The following ANO1 variants were observed in gnomAD, a reference collection of about 807,000 sequenced individuals.
ANO1 encodes anoctamin-1.
In ANO1, 59 loss-of-function variants were observed where a neutral mutation model predicts 124.0. The ratio of observed to expected loss-of-function variants is 0.48; its 90% CI spans 0.39 to 0.59. The LOEUF is 0.59. Among genes scored for constraint, ANO1 ranks in the 20% least tolerant of loss-of-function variants. The probability of loss-of-function intolerance (pLI) is 0.00; values close to 1 mark genes in which losing one functional copy is unlikely to be tolerated. For missense variants in ANO1, 1,059 were observed against 1,328.0 expected (o/e 0.80, Z 3.15); for synonymous variants, 529 against 532.0 (o/e 0.99, Z 0.08).
At chr11:69,994,996 C>T (rs1554998131) in intron 1 of ANO1, among the ~76,000 whole-genome samples, 2 of 152,074 alleles carry the variant, frequency 1.3e-5, no homozygotes, top group Non-Finnish European at 2.9e-5. Flanking sequence ...AAAGATAGTA[C>T]AGAAAATTCC....
intron 1 of ANO1, chr11:70,014,842 C>A (rs12786842): frequency 1.9e-4 from 21 of 112,328 alleles, no homozygotes; most frequent in Non-Finnish European, 1.9e-5. Context: ...TTTTTTTTTT[C>A]TTTTTTTTTT....
At chr11:70,119,121 T>C (rs1388404578) in intron 8 of ANO1, among the ~76,000 whole-genome samples, 2 of 141,668 alleles carry the variant, frequency 1.4e-5, no homozygotes, top group Non-Finnish European at 3.0e-5. Flanking sequence ...GGATGGATGA[T>C]GGGTGAGTGG....
upstream of ANO1, among the ~76,000 whole-genome samples, chr11:69,982,623 T>C (rs1855968912): frequency 6.6e-6 from 1 of 152,210 alleles, no homozygotes. Flanking sequence ...CAAGACCCAT[T>C]TTACAGATGC....
intron 22 of ANO1, among the ~76,000 whole-genome samples, chr11:70,176,486 A>G (rs2048704877): frequency 6.6e-6 from 1 of 152,170 alleles, no homozygotes; most frequent in Admixed American, 6.5e-5. Context: ...TTGAGTTATT[A>G]TCAATAGAAA....
At chr11:70,001,594 G>A (rs72935864) in intron 1 of ANO1, among the ~76,000 whole-genome samples, 5,266 of 152,230 alleles carry the variant, frequency 0.035, 129 homozygotes, top group Non-Finnish European at 0.051. Context: ...ACATGATCCC[G>A]TTTCTATCGC....
chr11:69,967,350 G>C, the ANO1 span, among the ~76,000 whole-genome samples: 1 of 152,254 alleles, frequency 6.6e-6, no homozygotes, highest in East Asian at 1.9e-4. Context: ...TCGCACGTTA[G>C]CTAGCATCAG....
chr11:69,977,167 T>A, the ANO1 span, among the ~76,000 whole-genome samples: 2 of 152,080 alleles, frequency 1.3e-5, no homozygotes, highest in African/African-American at 4.8e-5. Context: ...GGGGGACAGG[T>A]GTAGCCCCCC....
intron 2 of ANO1, among the ~76,000 whole-genome samples, chr11:70,095,245 A>G (rs2044801675): frequency 7.9e-6 from 1 of 127,056 alleles, no homozygotes; most frequent in African/African-American, 3.1e-5. Flanking sequence ...AAGAAAGAAA[A>G]AGAAAGGAAG....
chr11:70,030,512 C>T (rs1210127056), intron 1 of ANO1, among the ~76,000 whole-genome samples: 3 of 152,030 alleles, frequency 2.0e-5, no homozygotes, highest in African/African-American at 4.8e-5. Flanking sequence ...CCAAGTCATC[C>T]GCAGGACTGG....
At chr11:69,978,285 G>A in the ANO1 span, among the ~76,000 whole-genome samples, 1 of 152,174 alleles carries the variant, frequency 6.6e-6, no homozygotes, top group Admixed American at 6.5e-5. Flanking sequence ...CCTCCGAGAG[G>A]GCCCAGCCCT....
At position 70,083,438 on chromosome 11, in the gene ANO1, T is replaced by C. The variant is rs560208948; in HGVS notation, c.109-4314T>C. 2.0e-5 allele frequency among the ~76,000 whole-genome samples: 3 copies of C among 152,000 alleles called. No homozygotes were observed. The South Asian group carries it at 6.2e-4, about 32-fold the overall frequency. ...CACTCTTGATCAGGCCCCAGTGCTG[T>C]CTCTCCCTCCACCATGCATGGGAAG... On this transcript the variant is annotated intron_variant, in intron 1 of 25. Coordinates refer to ENST00000355303, the MANE Select transcript of ANO1 (RefSeq NM_018043.7).
At chr11:70,145,962 A>AAAAAAG (rs2047362160) in intron 11 of ANO1, among the ~76,000 whole-genome samples, 2 of 131,994 alleles carry the variant, frequency 1.5e-5, no homozygotes, top group African/African-American at 2.7e-5. Flanking sequence ...AAAAAAAAAA[A>AAAAAAG]AAAGAAAGAA....
At chr11:70,022,119 C>T (rs750955725) in intron 1 of ANO1, among the ~76,000 whole-genome samples, 2 of 152,120 alleles carry the variant, frequency 1.3e-5, no homozygotes, top group Non-Finnish European at 1.5e-5. Context: ...AAATGCTTTC[C>T]GAGACAGGCC....
chr11:69,985,129 A>G (rs1856011660), upstream of ANO1, among the ~76,000 whole-genome samples: 1 of 152,128 alleles, frequency 6.6e-6, no homozygotes, highest in South Asian at 2.1e-4. Context: ...TCCTGCCCTG[A>G]GCCCATGAGG....
chr11:70,000,506 G>A (rs578055315), intron 1 of ANO1, among the ~76,000 whole-genome samples: 21 of 152,074 alleles, frequency 1.4e-4, no homozygotes, highest in East Asian at 5.8e-4. Context: ...ATTTCAAAGC[G>A]CATGAGATAC....
Position 70,087,965 on chromosome 11 carries a change from C to G in ANO1, c.322C>G (p.Leu108Val). The G allele has an allele frequency of 6.3e-7, 1 of 1,592,408 alleles. No homozygotes were observed. The highest frequency in any genetic ancestry group is 2.3e-5 in the East Asian group (1 of 43,986). The change falls in exon 2 of 26, where the codon CTG (leucine) becomes GTG (valine). Residue 108 changes from leucine (L) to valine (V), a missense_variant. Transcript: ENST00000355303. ...CCCCCTGCCGGGCAAGGGGGCGTCG[C>G]TGGATGCAGGCTCGGGGGAGCCCCC... ...DHPLPGKGAS[L>V]DAGSGEPPMD...
At chr11:69,996,367 A>G (rs1856271950) in intron 1 of ANO1, among the ~76,000 whole-genome samples, 1 of 152,174 alleles carries the variant, frequency 6.6e-6, no homozygotes, top group African/African-American at 2.4e-5. Flanking sequence ...CCTTGGCCAA[A>G]TCTCTGCAGG....
rs556357210 is a variant in ANO1 at position 70,129,910 on chromosome 11, C to T, written c.1098-2009C>T. Among the ~76,000 whole-genome samples, 24 of 152,252 alleles carry T rather than the reference C, an allele frequency of 1.6e-4. No homozygotes were observed. In the South Asian group the frequency reaches 5.0e-3, roughly 32 times the overall value. ...TGCTGGGATTACAGGCATGAGCCAC[C>T]GTGCCTGGCCCTACACCACTTTTTA... On this transcript the variant is annotated intron_variant, in intron 10 of 25. Coordinates refer to ENST00000355303, the MANE Select transcript of ANO1 (RefSeq NM_018043.7).
chr11:70,038,352 T>C (rs566690625), intron 1 of ANO1, among the ~76,000 whole-genome samples: 1 of 152,188 alleles, frequency 6.6e-6, no homozygotes, highest in Non-Finnish European at 1.5e-5. Context: ...GCTTAGAATG[T>C]GAGGTCCCAT....
Sources: allele counts gnomAD v4.1 joint callset (sites outside exome capture counted in the v4.1 genomes callset), GRCh38; gene constraint gnomAD v4.1.1; transcripts MANE v1.5; gene names NCBI Gene and HGNC (gene_info 2026-07-23, HGNC 2026-07-21).